STON1: variants seen among roughly 807,000 people sequenced by gnomAD.
STON1 encodes the protein stonin-1.
Under a neutral mutation model 60.9 loss-of-function variants are expected in STON1, and 79 were observed. The observed-to-expected ratio is 1.30, with a 90% CI of 1.08 to 1.56. The LOEUF (loss-of-function observed/expected upper bound fraction) is 1.56. Ranked by LOEUF, STON1 falls within the 40% of genes most tolerant of loss-of-function variation. The pLI is 0.00. For missense variants in STON1, 1,166 were observed against 858.9 expected, an observed-to-expected ratio of 1.36 and a Z score of -4.47; for synonymous variants, 363 against 306.9, an observed-to-expected ratio of 1.18 and a Z score of -1.91.
At chr2:48,565,553 G>T (rs1672905047) in intron 1 of STON1, among the ~76,000 whole-genome samples, 1 of 152,160 alleles carries the variant, frequency 6.6e-6, no homozygotes, top group African/African-American at 2.4e-5. Flanking sequence ...CTAAGACAGG[G>T]AATTATATTA....
chr2:48,570,346 A>T (rs1673139276), intron 1 of STON1, among the ~76,000 whole-genome samples: 1 of 152,180 alleles, frequency 6.6e-6, no homozygotes, highest in African/African-American at 2.4e-5. Context: ...ATTAAAAAAA[A>T]AAAGAATTCC....
chr2:48,592,099 T>C (rs1674553576), intron 3 of STON1, among the ~76,000 whole-genome samples: 1 of 152,166 alleles, frequency 6.6e-6, no homozygotes, highest in African/African-American at 2.4e-5. Context: ...TAAAAATGAA[T>C]CTACATTTTA....
chr2:48,536,648 T>G (rs1233792004), intron 1 of STON1, among the ~76,000 whole-genome samples: 1 of 152,180 alleles, frequency 6.6e-6, no homozygotes. Flanking sequence ...TTTCAGAATT[T>G]CTGGGCCATC....
intron 1 of STON1, among the ~76,000 whole-genome samples, chr2:48,543,444 T>C (rs1248376930): frequency 4.6e-5 from 7 of 152,122 alleles, no homozygotes; most frequent in African/African-American, 1.2e-4. Context: ...CATGTCCCTC[T>C]TAACCAGAAA....
chr2:48,546,119 C>A (rs1310988225), intron 1 of STON1, among the ~76,000 whole-genome samples: 1 of 152,212 alleles, frequency 6.6e-6, no homozygotes, highest in Non-Finnish European at 1.5e-5. Context: ...ACATTCTTGC[C>A]ATTGGCCTTG....
intron 1 of STON1, among the ~76,000 whole-genome samples, chr2:48,550,271 G>A (rs564148813): frequency 2.6e-5 from 4 of 152,262 alleles, no homozygotes; most frequent in African/African-American, 4.8e-5. Flanking sequence ...GCTGAGGGGA[G>A]TGGATCACCT....
chr2:48,543,042 T>C (rs1671718740), intron 1 of STON1, among the ~76,000 whole-genome samples: 2 of 147,472 alleles, frequency 1.4e-5, no homozygotes, highest in African/African-American at 5.0e-5. Flanking sequence ...TGGCATGATC[T>C]CCACTCACTG....
rs150265234 is a variant in STON1, at chr2:48,582,165, G to A, written c.1532G>A (p.Arg511Gln). Residue 511 changes from arginine (R) to glutamine (Q), a missense_variant, in exon 2 of 4, where the codon CGG becomes CAG. Arg to Gln is a conservative substitution (Grantham distance 43). Transcript: ENST00000404752. ...AAGTTTGTACCTCTGGATGCCTGCC[G>A]GTTTGAGCTGATGCGTTTCAAGACT... ...IIKFVPLDAC[R>Q]FELMRFKTLY... 49 of 1,614,080 alleles carry A rather than the reference G, an allele frequency of 3.0e-5. No individual in the cohort carries two copies. Among genetic ancestry groups the A allele is most frequent in the South Asian group, 1.6e-4 (15 of 91,086 alleles).
At position 48,581,948 on chromosome 2, in the gene STON1, A is replaced by G. The variant is rs146532933; in HGVS notation, c.1315A>G (p.Ile439Val). The G allele has an allele frequency of 2.5e-6, 4 of 1,614,224 alleles. No homozygotes were observed. In the African/African-American group the frequency reaches 5.3e-5, roughly 22 times the overall value. ...AGGAAAATTTGTTGAAAGTGCTGTG[A>G]TAACTCAAATTTATTGCCTCTGCTT... ...KEGKFVESAV[I>V]TQIYCLCFVN... The change falls in exon 2 of 4, where the codon ATA (isoleucine) becomes GTA (valine). Residue 439 changes from isoleucine to valine, a missense_variant. Coordinates refer to ENST00000404752, the MANE Select transcript of STON1 (RefSeq NM_006873.4).
chr2:48,566,225 G>A (rs1294250708), intron 1 of STON1, among the ~76,000 whole-genome samples: 1 of 152,088 alleles, frequency 6.6e-6, no homozygotes, highest in Non-Finnish European at 1.5e-5. Flanking sequence ...ACCCAGGCTG[G>A]AGTGCAGTGG....
chr2:48,589,146 G>T (rs779386974), intron 2 of STON1, among the ~76,000 whole-genome samples: 7 of 151,706 alleles, frequency 4.6e-5, no homozygotes, highest in Non-Finnish European at 1.0e-4. Flanking sequence ...TTTTTCTTCT[G>T]CCCTGTCATC....
At position 48,581,069 on chromosome 2, in the gene STON1, A is replaced by G. The variant is rs755383827; in HGVS notation, c.436A>G (p.Thr146Ala). 5 of 1,597,308 alleles carry G rather than the reference A, an allele frequency of 3.1e-6. No individual in the cohort carries two copies. The highest frequency in any genetic ancestry group is 1.3e-5 in the African/African-American group (1 of 74,326). ...LPSDHSCTHP[T>A]PKVGLPDEVN... Reference sequence around the variant, plus strand: ...CAGTGACCACTCATGTACACATCCAACTCCCAAAGTAGGTCTTCCAGATGA... The same window carrying G: ...CAGTGACCACTCATGTACACATCCAGCTCCCAAAGTAGGTCTTCCAGATGA... Residue 146 changes from threonine to alanine, a missense_variant, in exon 2 of 4, where the codon ACT (threonine) becomes GCT (alanine). Physicochemically the swap from Thr to Ala is moderately conservative, Grantham distance 58. Transcript: ENST00000404752.
At chr2:48,571,054 C>G (rs1673184046) in intron 1 of STON1, among the ~76,000 whole-genome samples, 1 of 152,048 alleles carries the variant, frequency 6.6e-6, no homozygotes, top group South Asian at 2.1e-4. Context: ...CAGGGTTTCA[C>G]CATGTTGGCC....
At chr2:48,564,036 C>T (rs1341408564) in intron 1 of STON1, among the ~76,000 whole-genome samples, 1 of 152,086 alleles carries the variant, frequency 6.6e-6, no homozygotes, top group Non-Finnish European at 1.5e-5. Context: ...CTGTTTCTCC[C>T]TCCTGTTAGA....
intron 1 of STON1, among the ~76,000 whole-genome samples, chr2:48,564,474 TTCTTCTTTCTTCTTCTTC>T (rs1672779426): frequency 3.9e-5 from 2 of 51,306 alleles, no homozygotes; most frequent in South Asian, 6.5e-4. Flanking sequence ...CTTCTTCTTC[TTCTTCTTTCTTCTTCTTC>T]TTCTTCTTCT....
intron 1 of STON1, among the ~76,000 whole-genome samples, chr2:48,568,369 C>A (rs1015778093): frequency 4.6e-5 from 7 of 152,170 alleles, no homozygotes; most frequent in African/African-American, 1.7e-4. Flanking sequence ...TGCATCTAAT[C>A]TGACTTCAAC....
chr2:48,580,442 C>T (rs1007669399), intron 1 of STON1, 145 bp from the exon 2 acceptor site: 4 of 807,190 alleles, frequency 5.0e-6, no homozygotes, highest in Admixed American at 4.6e-5. Context: ...AGACAGCATA[C>T]AGTTGGATCA....
chr2:48,579,450 T>G (rs1673746127), intron 1 of STON1, among the ~76,000 whole-genome samples: 1 of 152,210 alleles, frequency 6.6e-6, no homozygotes, highest in Admixed American at 6.5e-5. Flanking sequence ...AGATATTTTC[T>G]AATTTCCTTT....
intron 1 of STON1, among the ~76,000 whole-genome samples, chr2:48,555,489 C>G (rs1195225887): frequency 5.6e-5 from 5 of 88,660 alleles, no homozygotes; most frequent in Admixed American, 5.1e-4. Flanking sequence ...GGCGGCTGGC[C>G]GGGTGGGGGG....
Sources: gnomAD v4.1 joint callset for allele counts (sites outside exome capture counted in the v4.1 genomes callset) on GRCh38, gnomAD v4.1.1 for gene constraint, MANE v1.5 for transcripts, NCBI Gene and HGNC (gene_info 2026-07-23, HGNC 2026-07-21) for gene names.